GOLGA3: variants seen among roughly 807,000 people sequenced by gnomAD.
The protein encoded by GOLGA3 is golgin subfamily A member 3.
In GOLGA3, 75 loss-of-function variants were observed where a neutral mutation model predicts 169.4. The ratio of observed to expected loss-of-function variants is 0.44; its 90% CI spans 0.37 to 0.54. The LOEUF (loss-of-function observed/expected upper bound fraction) is 0.54, where lower values mean the gene tolerates loss of function less well. GOLGA3 is among the 20% of genes least tolerant of loss of function. The probability of loss-of-function intolerance (pLI) is 0.00; values close to 1 mark genes in which losing one functional copy is unlikely to be tolerated. For missense variants in GOLGA3, 1,899 were observed against 1,930.0 expected (o/e 0.98, Z 0.30); for synonymous variants, 824 against 822.4 (o/e 1.00, Z -0.03).
intron 2 of GOLGA3, among the ~76,000 whole-genome samples, chr12:132,818,541 AC>A (rs1410334538): frequency 6.6e-6 from 1 of 152,242 alleles, no homozygotes; most frequent in Non-Finnish European, 1.5e-5. Flanking sequence ...GGCGTGAGCC[AC>A]CGCACCCAGC....
chr12:132,825,548 A>C (rs1950376417), intron 1 of GOLGA3, among the ~76,000 whole-genome samples: 1 of 152,218 alleles, frequency 6.6e-6, no homozygotes, highest in Non-Finnish European at 1.5e-5. Flanking sequence ...AAACAAAATG[A>C]TTAAGTATTT....
rs775523681 is a variant in GOLGA3, at chr12:132,790,203, C to G, written c.2548-913G>C. Among the ~76,000 whole-genome samples, 22 of 150,960 alleles carry G rather than the reference C, an allele frequency of 1.5e-4. 1 individual carries two copies. In the Middle Eastern group the frequency reaches 0.01, roughly 71 times the overall value. On this transcript the variant is annotated intron_variant, in intron 12 of 23. Coordinates refer to ENST00000450791, the MANE Select transcript of GOLGA3 (RefSeq NM_001389683.1). Reference sequence around the variant, plus strand: ...AAAAAAATTAGTCGGGCGTGGTGGCCGGTGCCTGTAGTCCCAGCTACTCAG... The same window carrying G: ...AAAAAAATTAGTCGGGCGTGGTGGCGGGTGCCTGTAGTCCCAGCTACTCAG...
chr12:132,783,480 C>T (rs1037819407), intron 16 of GOLGA3, among the ~76,000 whole-genome samples: 72 of 26,522 alleles, frequency 2.7e-3, no homozygotes, highest in Admixed American at 6.2e-3. Context: ...CCTACTGTGA[C>T]GGAGCTCCAC....
At chr12:132,780,195 A>C in intron 18 of GOLGA3, among the ~76,000 whole-genome samples, 1 of 148,640 alleles carries the variant, frequency 6.7e-6, no homozygotes, top group African/African-American at 2.5e-5. Flanking sequence ...CACACACACC[A>C]CACCCCAGGC....
At chr12:132,779,696 C>T (rs915234673) in intron 18 of GOLGA3, among the ~76,000 whole-genome samples, 1 of 152,106 alleles carries the variant, frequency 6.6e-6, no homozygotes, top group Admixed American at 6.5e-5. Context: ...ACATATACAT[C>T]AGCATCAAAT....
chr12:132,796,730 G>A (rs769923626), intron 9 of GOLGA3, 30 bp from the exon 10 acceptor site: 3 of 1,608,986 alleles, frequency 1.9e-6, no homozygotes, highest in Non-Finnish European at 2.5e-6. Context: ...TTTTAAAAAG[G>A]CAGGAAACCT....
In GOLGA3 at chr12:132,828,791, C is replaced by G. The variant is rs1016420343; in HGVS notation, c.-184+12G>C. The G allele has an allele frequency of 6.6e-6, 1 of 152,420 alleles. No homozygotes were observed. Among genetic ancestry groups the G allele is most frequent in the Non-Finnish European group, 1.5e-5 (1 of 68,162 alleles). The allele number at this position is 152,420 out of a possible 1,614,324, so 9.4% of individuals were successfully genotyped here. A position where few individuals can be genotyped will look rare whatever the true frequency, so the allele number is the denominator to read the frequency against. On this transcript the variant is annotated intron_variant, in intron 1 of 23. Coordinates refer to ENST00000450791, the MANE Select transcript of GOLGA3 (RefSeq NM_001389683.1). Reference sequence around the variant, plus strand: ...CCGAGCCCCGAGGCGCCGCGGCCTCCGAGCCCCTCACCCTGCTGCTCTGGC... The same window carrying G: ...CCGAGCCCCGAGGCGCCGCGGCCTCGGAGCCCCTCACCCTGCTGCTCTGGC...
chr12:132,796,481 C>G (rs1325012122), intron 10 of GOLGA3, 58 bp downstream of exon 10: 17 of 1,553,982 alleles, frequency 1.1e-5, no homozygotes, highest in Non-Finnish European at 1.5e-5. Flanking sequence ...GTGTGCAGTC[C>G]TGGCTGCTCG....
At chr12:132,814,933 T>C (rs963294681) in intron 3 of GOLGA3, among the ~76,000 whole-genome samples, 2 of 152,196 alleles carry the variant, frequency 1.3e-5, no homozygotes, top group African/African-American at 4.8e-5. Context: ...TGTGGCCTCA[T>C]CCTTCCTAAG....
At chr12:132,813,089 T>C (rs991359863) in intron 4 of GOLGA3, among the ~76,000 whole-genome samples, 2 of 152,250 alleles carry the variant, frequency 1.3e-5, no homozygotes, top group African/African-American at 4.8e-5. Flanking sequence ...TTTACATTTT[T>C]GTGGTGGTCC....
chr12:132,795,882 T>A lies in GOLGA3; in HGVS notation c.2439A>T (p.Leu813Phe). ...TEETSETLEK[L>F]REELAIKSGQ... ...CGGATTTGATAGCTAATTCTTCTCT[T>A]AACTTCTCTAAAGTTTCCGACGTTT... Residue 813 changes from leucine to phenylalanine, a missense_variant, in exon 11 of 24, where the codon TTA becomes TTT. Physicochemically the swap from Leu to Phe is conservative, Grantham distance 22. Transcript: ENST00000450791. 1 of 1,613,952 alleles carries A rather than the reference T, an allele frequency of 6.2e-7. No individual in the cohort carries two copies. The highest frequency in any genetic ancestry group is 8.5e-7 in the Non-Finnish European group (1 of 1,179,818).
At chr12:132,819,190 C>T (rs767891525) in intron 2 of GOLGA3, among the ~76,000 whole-genome samples, 14 of 152,098 alleles carry the variant, frequency 9.2e-5, no homozygotes, top group Admixed American at 5.2e-4. Flanking sequence ...TCGGATCCCA[C>T]GTGCATGCAG....
rs781431131 is a variant in GOLGA3 at position 132,773,190 on chromosome 12, A to C, written c.4412T>G (p.Val1471Gly). 1.3e-6 allele frequency: 2 copies of C among 1,586,488 alleles called. No individual in the cohort carries two copies. Among genetic ancestry groups the C allele is most frequent in the African/African-American group, 2.7e-5 (2 of 74,070 alleles). Residue 1471 changes from valine to glycine, a missense_variant, in exon 24 of 24, where the codon GTG becomes GGG. By Grantham distance (109) the Val-to-Gly change is moderately radical. Coordinates refer to ENST00000450791, the MANE Select transcript of GOLGA3 (RefSeq NM_001389683.1). ...TGGGCCGGCGTGACCCCCCGGGGGCACAGGGCTGGCAGTGGCTGGCTCCAG... is the reference window on the plus strand; with the variant it reads ...TGGGCCGGCGTGACCCCCCGGGGGCCCAGGGCTGGCAGTGGCTGGCTCCAG... ...TPLEPATASP[V>G]PPGGHAGPRG...
chr12:132,789,584 C>T (rs1362335591), intron 12 of GOLGA3, among the ~76,000 whole-genome samples: 2 of 152,184 alleles, frequency 1.3e-5, no homozygotes, highest in Non-Finnish European at 2.9e-5. Context: ...TTCAGTTGCA[C>T]GGCTTTGCTT....
chr12:132,808,076 A>G lies in GOLGA3; in HGVS notation c.993T>C (p.Ile331=). The change falls in exon 5 of 24, where the codon ATT becomes ATC. Residue 331 remains isoleucine (I), a synonymous_variant. Transcript: ENST00000450791. ...SSASTRGTYG[I]LSKTVGTQDT... is the part of the protein sequence containing the mutation. ...CCTGCGTGCCCACTGTCTTCGACAGAATGCCATAGGTCCCTCGGGTGGAGG... is the reference window on the plus strand; with the variant it reads ...CCTGCGTGCCCACTGTCTTCGACAGGATGCCATAGGTCCCTCGGGTGGAGG... The G allele has an allele frequency of 6.3e-7, 1 of 1,597,334 alleles. No homozygotes were observed. The highest frequency in any genetic ancestry group is 8.5e-7 in the Non-Finnish European group (1 of 1,170,210).
At position 132,807,201 on chromosome 12, in the gene GOLGA3, T is replaced by C. The variant is rs144179057; in HGVS notation, c.1266A>G (p.Glu422=). ...KEKMRLEGQL[E]ALSLEASQAL... ...CCTGACTCGCCTCCAGTGACAAGGCTTCCAGCTGTCCTTCGAGTCGCATTT... is the reference window on the plus strand; with the variant it reads ...CCTGACTCGCCTCCAGTGACAAGGCCTCCAGCTGTCCTTCGAGTCGCATTT... The change falls in exon 6 of 24, where the codon GAA becomes GAG. Residue 422 remains glutamate, a synonymous_variant. Coordinates refer to ENST00000450791, the MANE Select transcript of GOLGA3 (RefSeq NM_001389683.1). 2,328 of 1,606,610 alleles carry C rather than the reference T, an allele frequency of 1.4e-3. 4 individuals are homozygous for C. The highest frequency in any genetic ancestry group is 1.8e-3 in the Non-Finnish European group (2,164 of 1,175,900).
chr12:132,786,517 C>T lies in GOLGA3; in HGVS notation c.2945G>A (p.Gly982Asp). ...CTTCTGGGCGCTGGTCAAGTCTGAG[C>T]CCAGCCGCCTCATCTTCTGCTTCTG... ...TEQKQKMRRL[G>D]SDLTSAQKEM... Residue 982 changes from glycine (G) to aspartate (D), a missense_variant, in exon 15 of 24, where the codon GGC becomes GAC. By Grantham distance (94) the Gly-to-Asp change is moderately conservative (BLOSUM62 -1). Coordinates refer to ENST00000450791, the MANE Select transcript of GOLGA3 (RefSeq NM_001389683.1). 6.2e-7 allele frequency: 1 copy of T among 1,613,480 alleles called. No homozygotes were observed. The highest frequency in any genetic ancestry group is 8.5e-7 in the Non-Finnish European group (1 of 1,179,944).
In GOLGA3 at chr12:132,796,364, C is replaced by T. The variant is rs112799130; in HGVS notation, c.2101-144G>A. ...CACAATCCTGGTATAGAAGAACCAG[C>T]AGGGCAAACACAGGGTCAGGTCTGC... On this transcript the variant is annotated intron_variant, in intron 10 of 23. Coordinates refer to ENST00000450791, the MANE Select transcript of GOLGA3 (RefSeq NM_001389683.1). The T allele has an allele frequency of 4.9e-6, 6 of 1,219,336 alleles. No homozygotes were observed. The East Asian group carries it at 1.5e-4, about 30-fold the overall frequency. 75.5% of individuals were successfully genotyped at this position (1,219,336 alleles called of 1,614,324 possible).
At chr12:132,828,134 T>C (rs1176786217) in intron 1 of GOLGA3, among the ~76,000 whole-genome samples, 2 of 152,312 alleles carry the variant, frequency 1.3e-5, no homozygotes, top group South Asian at 4.1e-4. Context: ...CTTCTCGTCA[T>C]AGAGGCCTTA....
Sources: allele counts gnomAD v4.1 joint callset (sites outside exome capture counted in the v4.1 genomes callset), GRCh38; gene constraint gnomAD v4.1.1; transcripts MANE v1.5; gene names NCBI Gene and HGNC (gene_info 2026-07-23, HGNC 2026-07-21).